PARPBP: variants seen among roughly 807,000 people sequenced by gnomAD.
The protein encoded by PARPBP is PARP1 binding protein.
PARPBP carries 52 observed loss-of-function variants against 50.0 expected under a neutral mutation model. The ratio of observed to expected loss-of-function variants is 1.04; its 90% CI spans 0.83 to 1.31. PARPBP has a LOEUF of 1.31. Ranked by LOEUF, PARPBP falls within the 50% of genes most tolerant of loss-of-function variation. The pLI, the probability that PARPBP is intolerant of heterozygous loss-of-function variation, is 0.00. For missense variants in PARPBP, 697 were observed against 672.0 expected, an observed-to-expected ratio of 1.04 and a Z score of -0.41; for synonymous variants, 244 against 232.1, an observed-to-expected ratio of 1.05 and a Z score of -0.47.
At chr12:102,191,400 T>C (rs1286967544) in intron 9 of PARPBP, among the ~76,000 whole-genome samples, 1 of 152,156 alleles carries the variant, frequency 6.6e-6, no homozygotes, top group East Asian at 1.9e-4. Context: ...ATATAAAATC[T>C]CTGTTCTTTC....
At chr12:102,150,230 A>G (rs1280083316) in intron 3 of PARPBP, 4 of 455,156 alleles carry the variant, frequency 8.8e-6, no homozygotes, top group Middle Eastern at 3.3e-4. Flanking sequence ...TGGAAGATCA[A>G]CAACTTAATC....
chr12:102,158,874 A>G (rs544156143), intron 4 of PARPBP, among the ~76,000 whole-genome samples: 1 of 152,312 alleles, frequency 6.6e-6, no homozygotes, highest in East Asian at 1.9e-4. Flanking sequence ...TAAAGTTTAA[A>G]GGAGTATCTG....
intron 3 of PARPBP, among the ~76,000 whole-genome samples, chr12:102,149,675 C>T (rs1457468055): frequency 6.6e-6 from 1 of 152,146 alleles, no homozygotes; most frequent in Non-Finnish European, 1.5e-5. Context: ...AAAACAAAAG[C>T]TCTATTACTA....
chr12:102,187,754 A>G (rs73384895), intron 9 of PARPBP, among the ~76,000 whole-genome samples: 118 of 152,294 alleles, frequency 7.7e-4, no homozygotes, highest in African/African-American at 2.7e-3. Flanking sequence ...TAAGGAAGGA[A>G]CAGAATCAAG....
At position 102,197,190 on chromosome 12, in the gene PARPBP, T is replaced by G; in HGVS notation, c.*899T>G. 1.9e-6 allele frequency: 3 copies of G among 1,595,704 alleles called. No individual in the cohort carries two copies. The highest frequency in any genetic ancestry group is 2.6e-6 in the Non-Finnish European group (3 of 1,165,246). Reference sequence around the variant, plus strand: ...CTGTGTTCTGTAAAGAGAAGGTTGATTTGGTTTTTAGCTATCGTATTCGGA... The same window carrying G: ...CTGTGTTCTGTAAAGAGAAGGTTGAGTTGGTTTTTAGCTATCGTATTCGGA... On this transcript the variant is annotated 3_prime_UTR_variant, in exon 11 of 11. Transcript: ENST00000327680.
At chr12:102,138,420 G>A (rs549970672) in intron 2 of PARPBP, among the ~76,000 whole-genome samples, 7 of 152,028 alleles carry the variant, frequency 4.6e-5, no homozygotes, top group South Asian at 2.1e-4. Context: ...TTGTCAGATG[G>A]GTAGATTGCA....
chr12:102,187,136 T>C (rs966126081), intron 9 of PARPBP, among the ~76,000 whole-genome samples: 2 of 152,088 alleles, frequency 1.3e-5, no homozygotes, highest in Non-Finnish European at 2.9e-5. Flanking sequence ...ATAAAAATAA[T>C]CAGCATCAAC....
intron 2 of PARPBP, among the ~76,000 whole-genome samples, chr12:102,129,358 T>C (rs1383716397): frequency 6.6e-6 from 1 of 152,172 alleles, no homozygotes; most frequent in Middle Eastern, 3.2e-3. Flanking sequence ...TATTAACCTT[T>C]TATCTGATAC....
At chr12:102,194,210 C>T (rs1319077863) in intron 9 of PARPBP, among the ~76,000 whole-genome samples, 1 of 151,924 alleles carries the variant, frequency 6.6e-6, no homozygotes, top group Non-Finnish European at 1.5e-5. Flanking sequence ...TATATAACTA[C>T]TGAATATATA....
chr12:102,142,061 G>T (rs1884689772), intron 2 of PARPBP, among the ~76,000 whole-genome samples: 1 of 152,154 alleles, frequency 6.6e-6, no homozygotes. Flanking sequence ...AGTTCTCCTG[G>T]ATAATATCCT....
chr12:102,160,803 C>T (rs576686526), intron 4 of PARPBP, among the ~76,000 whole-genome samples: 148 of 152,016 alleles, frequency 9.7e-4, no homozygotes, highest in African/African-American at 3.5e-3. Context: ...ACAAAATTAG[C>T]CAGGCGTGGC....
At chr12:102,163,453 A>G (rs1887811175) in intron 4 of PARPBP, among the ~76,000 whole-genome samples, 1 of 152,184 alleles carries the variant, frequency 6.6e-6, no homozygotes, top group Non-Finnish European at 1.5e-5. Context: ...CTACTTAAAT[A>G]GCTTATTGGA....
intron 4 of PARPBP, among the ~76,000 whole-genome samples, chr12:102,157,203 T>G (rs1329793873): frequency 6.6e-6 from 1 of 152,200 alleles, no homozygotes; most frequent in Non-Finnish European, 1.5e-5. Flanking sequence ...TTTAATAAAG[T>G]GTTTTATATG....
intron 9 of PARPBP, among the ~76,000 whole-genome samples, chr12:102,189,130 CAT>C (rs1890569618): frequency 6.6e-6 from 1 of 152,140 alleles, no homozygotes; most frequent in African/African-American, 2.4e-5. Context: ...ATACATTGGT[CAT>C]AATTCTTTCC....
chr12:102,165,598 G>A, intron 5 of PARPBP, 131 bp from the exon 6 acceptor site: 1 of 681,196 alleles, frequency 1.5e-6, no homozygotes, highest in Non-Finnish European at 2.5e-6. Flanking sequence ...CTCAAAGTGT[G>A]TCATGAGCCA....
At chr12:102,151,506 G>A (rs1030600324) in intron 3 of PARPBP, 12 of 1,107,344 alleles carry the variant, frequency 1.1e-5, no homozygotes, top group East Asian at 1.0e-4. Flanking sequence ...ATCAGTGAAT[G>A]GGGTCCTTTG....
chr12:102,160,460 A>T (rs1241646987), intron 4 of PARPBP, among the ~76,000 whole-genome samples: 1 of 152,220 alleles, frequency 6.6e-6, no homozygotes, highest in Non-Finnish European at 1.5e-5. Flanking sequence ...AAAGTTTCTG[A>T]TTACAATGTG....
intron 2 of PARPBP, among the ~76,000 whole-genome samples, chr12:102,147,619 G>A (rs1028421177): frequency 1.3e-5 from 2 of 151,740 alleles, no homozygotes; most frequent in African/African-American, 4.8e-5. Context: ...AATGCTAAAT[G>A]ACGAGTTAAT....
At position 102,132,170 on chromosome 12, in the gene PARPBP, G is replaced by A. The variant is rs559609852; in HGVS notation, c.153+8129G>A. On this transcript the variant is annotated intron_variant, in intron 2 of 10. Coordinates refer to ENST00000327680, the MANE Select transcript of PARPBP (RefSeq NM_017915.5). ...CAGTAAGCTGAAGTCACGCCATTGCGTTCCAGTCTGGGGGATAGCGACAGA... is the reference window on the plus strand; with the variant it reads ...CAGTAAGCTGAAGTCACGCCATTGCATTCCAGTCTGGGGGATAGCGACAGA... Among the ~76,000 whole-genome samples, 7 of 150,854 alleles carry A rather than the reference G, an allele frequency of 4.6e-5. No homozygotes were observed. In the South Asian group the frequency reaches 6.3e-4, roughly 14 times the overall value.
Sources: allele counts gnomAD v4.1 joint callset (sites outside exome capture counted in the v4.1 genomes callset), GRCh38; gene constraint gnomAD v4.1.1; transcripts MANE v1.5; gene names NCBI Gene and HGNC (gene_info 2026-07-23, HGNC 2026-07-21).